MTAP: variants seen among roughly 807,000 people sequenced by gnomAD.
MTAP encodes the protein methylthioadenosine phosphorylase.
Under a neutral mutation model 33.6 loss-of-function variants are expected in MTAP, and 33 were observed. The observed-to-expected ratio is 0.98, with a 90% CI of 0.74 to 1.31. The LOEUF (loss-of-function observed/expected upper bound fraction) is 1.31, where lower values mean the gene tolerates loss of function less well. MTAP is among the 40% of genes most tolerant of loss of function. The pLI is 0.00. For missense variants in MTAP, 367 were observed against 360.0 expected, an observed-to-expected ratio of 1.02 and a Z score of -0.16; for synonymous variants, 148 against 125.7, an observed-to-expected ratio of 1.18 and a Z score of -1.19.
At chr9:21,843,671 AT>A (rs1303378054) in intron 5 of MTAP, among the ~76,000 whole-genome samples, 41 of 152,236 alleles carry the variant, frequency 2.7e-4, no homozygotes, top group African/African-American at 9.2e-4. Flanking sequence ...TAAAGTCAAG[AT>A]GGAAATTAAA....
chr9:21,913,377 T>G (rs1311698893), intron 1 of MTAP, among the ~76,000 whole-genome samples: 1 of 152,144 alleles, frequency 6.6e-6, no homozygotes, highest in Non-Finnish European at 1.5e-5. Context: ...GACTTCAAAC[T>G]ATATTACAAG....
chr9:21,805,033 C>T (rs993911654), intron 1 of MTAP, among the ~76,000 whole-genome samples: 1 of 152,212 alleles, frequency 6.6e-6, no homozygotes, highest in African/African-American at 2.4e-5. Flanking sequence ...CCACTGCACA[C>T]CACCCAGGTA....
rs909526336 is a variant in MTAP at position 21,864,192 on chromosome 9, C to A, written c.*2178C>A. ...ATTAAATAGCCTTCTCTAGCAACAT[C>A]ATTTTCAGACTAACTAAATGAATGC... On this transcript the variant is annotated 3_prime_UTR_variant, in exon 8 of 8. Coordinates refer to ENST00000644715, the MANE Select transcript of MTAP (RefSeq NM_002451.4). 9.5e-5 allele frequency: 94 copies of A among 985,298 alleles called. No homozygotes were observed. The highest frequency in any genetic ancestry group is 1.2e-4 in the African/African-American group (7 of 57,232). 61.0% of individuals were successfully genotyped at this position (985,298 alleles called of 1,614,324 possible). A position where few individuals can be genotyped will look rare whatever the true frequency, so the allele number is the denominator to read the frequency against.
At chr9:21,895,516 A>G (rs1587281323) in intron 1 of MTAP, among the ~76,000 whole-genome samples, 1 of 152,132 alleles carries the variant, frequency 6.6e-6, no homozygotes, top group African/African-American at 2.4e-5. Context: ...GCCGGGCATC[A>G]CCTCACCCGG....
intron 5 of MTAP, among the ~76,000 whole-genome samples, chr9:21,848,119 C>T (rs188443651): frequency 7.8e-4 from 119 of 152,252 alleles, no homozygotes; most frequent in Non-Finnish European, 1.0e-3. Flanking sequence ...AAACCCTGTG[C>T]GGCCTGAGGC....
In MTAP at chr9:21,864,040, A is replaced by G. The variant is rs953926832; in HGVS notation, c.*2026A>G. 16 of 985,456 alleles carry G rather than the reference A, an allele frequency of 1.6e-5. No homozygotes were observed. The Admixed American group carries it at 6.1e-4, about 38-fold the overall frequency. The allele number at this position is 985,456 out of a possible 1,614,324, so 61.0% of individuals were successfully genotyped here. On this transcript the variant is annotated 3_prime_UTR_variant, in exon 8 of 8. Coordinates refer to ENST00000644715, the MANE Select transcript of MTAP (RefSeq NM_002451.4). ...GATTGTTTTCACTACAATATGATAC[A>G]TAGATGGTACCTTACTTTTCCTCAT...
At chr9:21,911,086 C>A (rs1312862262) in intron 1 of MTAP, among the ~76,000 whole-genome samples, 1 of 152,088 alleles carries the variant, frequency 6.6e-6, no homozygotes, top group Non-Finnish European at 1.5e-5. Context: ...GCTAACTATC[C>A]TAAATATATA....
chr9:21,911,163 C>G (rs1185640721), intron 1 of MTAP, among the ~76,000 whole-genome samples: 2 of 152,160 alleles, frequency 1.3e-5, no homozygotes, highest in Admixed American at 1.3e-4. Flanking sequence ...GAGACTTAGA[C>G]TCCCACACAG....
chr9:21,802,913 G>T lies in MTAP; in HGVS notation c.33+132G>T, dbSNP rs1295085445. 3.4e-6 allele frequency: 5 copies of T among 1,452,764 alleles called. No homozygotes were observed. The East Asian group carries it at 1.0e-4, about 30-fold the overall frequency. 90.0% of individuals were successfully genotyped at this position (1,452,764 alleles called of 1,614,324 possible). A position where few individuals can be genotyped will look rare whatever the true frequency, so the allele number is the denominator to read the frequency against. On this transcript the variant is annotated intron_variant, in intron 1 of 7. Coordinates refer to ENST00000644715, the MANE Select transcript of MTAP (RefSeq NM_002451.4). ...CTTGCCGCCGCGGGGAGGGACTGGG[G>T]CGCGGCACTCGGGACTCACTTGCCG...
At chr9:21,915,039 CCTT>C (rs1818658339) in intron 1 of MTAP, among the ~76,000 whole-genome samples, 2 of 81,092 alleles carry the variant, frequency 2.5e-5, no homozygotes, top group Non-Finnish European at 4.2e-5. Context: ...TTCCTTCCTT[CCTT>C]CCTTCCTTCC....
chr9:21,904,081 G>A (rs1818434742), intron 1 of MTAP, among the ~76,000 whole-genome samples: 2 of 152,152 alleles, frequency 1.3e-5, no homozygotes, highest in African/African-American at 4.8e-5. Flanking sequence ...CAGGCCACTC[G>A]GCAGCCTGGG....
chr9:21,908,091 G>T (rs1417983458), intron 1 of MTAP, among the ~76,000 whole-genome samples: 6 of 152,124 alleles, frequency 3.9e-5, no homozygotes, highest in Admixed American at 3.9e-4. Context: ...CCCTGAAGTT[G>T]TTCTTTGATA....
rs140831015 is a variant in MTAP at position 21,925,934 on chromosome 9, A to G, written c.148-5074A>G. Among the ~76,000 whole-genome samples the G allele has an allele frequency of 5.5e-3, 831 of 152,116 alleles. 8 individuals are homozygous for G. Among genetic ancestry groups the G allele is most frequent in the African/African-American group, 0.019 (799 of 41,502 alleles). On this transcript the variant is annotated intron_variant, in intron 1 of 1. Transcript: ENST00000577563. Reference sequence around the variant, plus strand: ...TTGGGTGCCCATAACCCAAAGGTTCACTCCTCATCTTTGCTGCCTGTGAGG... The same window carrying G: ...TTGGGTGCCCATAACCCAAAGGTTCGCTCCTCATCTTTGCTGCCTGTGAGG...
chr9:21,861,879 C>A lies in MTAP; in HGVS notation c.814-97C>A, dbSNP rs1825761442. On this transcript the variant is annotated intron_variant, in intron 7 of 7. Transcript: ENST00000644715. ...AAAGTGTATGTTTCCTGCGTCCTCA[C>A]TTTGATCTAGAAAATCAAAATCTGT... is the stretch of plus-strand genomic sequence containing the variant. 1.8e-5 allele frequency: 15 copies of A among 841,086 alleles called. 1 individual carries two copies. In the South Asian group the frequency reaches 2.0e-4, roughly 11 times the overall value. The allele number at this position is 841,086 out of a possible 1,614,324, so 52.1% of individuals were successfully genotyped here.
intron 1 of MTAP, among the ~76,000 whole-genome samples, chr9:21,927,147 C>A (rs1818882473): frequency 6.6e-6 from 1 of 152,204 alleles, no homozygotes; most frequent in African/African-American, 2.4e-5. Flanking sequence ...CAAACCGTTT[C>A]AGCTTTTCAT....
At chr9:21,850,957 G>C (rs1272088320) in intron 5 of MTAP, among the ~76,000 whole-genome samples, 4 of 152,166 alleles carry the variant, frequency 2.6e-5, no homozygotes, top group Admixed American at 2.6e-4. Flanking sequence ...AGGCTAAGAA[G>C]GGAGTTACAG....
chr9:21,892,074 T>G (rs911913763), intron 1 of MTAP: 3 of 152,186 alleles, frequency 2.0e-5, no homozygotes, highest in Non-Finnish European at 2.9e-5. Flanking sequence ...AAGCAAATGC[T>G]AAGGGAATTT....
chr9:21,826,383 C>G (rs1175694667), intron 4 of MTAP, among the ~76,000 whole-genome samples: 1 of 151,584 alleles, frequency 6.6e-6, no homozygotes, highest in Non-Finnish European at 1.5e-5. Context: ...TTTCCTTTTA[C>G]TGCCTATCCA....
At position 21,818,077 on chromosome 9, in the gene MTAP, C is replaced by G; in HGVS notation, c.222C>G (p.Tyr74Ter). Reference protein sequence around the residue: ...QHTIMPSKVNYQANIWALKEE... With the variant: ...QHTIMPSKVN ...CCATCATGCCTTCAAAGGTCAACTACCAGGCGAACATCTGGGCTTTGAAGG... is the reference window on the plus strand; with the variant it reads ...CCATCATGCCTTCAAAGGTCAACTAGCAGGCGAACATCTGGGCTTTGAAGG... The change falls in exon 4 of 8, where the codon TAC becomes TAG. Residue 74 changes from tyrosine to a stop codon, truncating the protein, a stop_gained. Transcript: ENST00000644715. LOFTEE classifies it high-confidence loss of function. 2 of 1,613,444 alleles carry G rather than the reference C, an allele frequency of 1.2e-6. No individual in the cohort carries two copies. Among genetic ancestry groups the G allele is most frequent in the South Asian group, 1.1e-5 (1 of 90,882 alleles).
Sources: gnomAD v4.1 joint callset for allele counts (sites outside exome capture counted in the v4.1 genomes callset) on GRCh38, gnomAD v4.1.1 for gene constraint, MANE v1.5 for transcripts, NCBI Gene and HGNC (gene_info 2026-07-23, HGNC 2026-07-21) for gene names.